MALRD1: variants seen among roughly 807,000 people sequenced by gnomAD.
MALRD1 encodes MAM and LDL-receptor class A domain-containing protein 1.
Under a neutral mutation model 242.1 loss-of-function variants are expected in MALRD1, and 247 were observed. The ratio of observed to expected loss-of-function variants is 1.02; its 90% confidence interval spans 0.92 to 1.13. MALRD1 has a LOEUF of 1.13. Among genes scored for constraint, MALRD1 ranks in the 50% most tolerant of loss-of-function variants. The pLI is 0.00. For synonymous variants in MALRD1, 995 were observed against 866.6 expected (o/e 1.15, Z -2.60); for missense variants, 2,989 against 2,533.1 (o/e 1.18, Z -3.86).
intron 2 of MALRD1, among the ~76,000 whole-genome samples, chr10:19,075,065 G>C (rs1835275542): frequency 6.6e-6 from 1 of 152,000 alleles, no homozygotes; most frequent in Non-Finnish European, 1.5e-5. Context: ...GAACTATGAT[G>C]AACGCTCACT....
At chr10:19,237,800 A>T (rs1409654134) in intron 18 of MALRD1, among the ~76,000 whole-genome samples, 1 of 103,862 alleles carries the variant, frequency 9.6e-6, no homozygotes, top group Non-Finnish European at 1.8e-5. Flanking sequence ...TTTATATATA[A>T]TTATAATTAT....
intron 36 of MALRD1, among the ~76,000 whole-genome samples, chr10:19,669,479 G>A (rs548799818): frequency 6.6e-6 from 1 of 152,264 alleles, no homozygotes; most frequent in South Asian, 2.1e-4. Flanking sequence ...AAGCCTTTCA[G>A]GTTGGAGCAA....
At chr10:19,284,576 T>C (rs994514724) in intron 21 of MALRD1, among the ~76,000 whole-genome samples, 3 of 151,596 alleles carry the variant, frequency 2.0e-5, no homozygotes, top group African/African-American at 4.9e-5. Context: ...ACAAAGGACA[T>C]GAACTCATCA....
At chr10:19,233,370 C>A (rs915670677) in intron 18 of MALRD1, among the ~76,000 whole-genome samples, 8 of 151,970 alleles carry the variant, frequency 5.3e-5, no homozygotes, top group African/African-American at 1.9e-4. Context: ...GGTGTGGTGG[C>A]GAGTGCCTGT....
intron 26 of MALRD1, among the ~76,000 whole-genome samples, chr10:19,355,653 C>A (rs1184535071): frequency 6.6e-6 from 1 of 150,668 alleles, no homozygotes; most frequent in African/African-American, 2.4e-5. Flanking sequence ...AGTTCACTTT[C>A]CTATAAGCTA....
intron 22 of MALRD1, among the ~76,000 whole-genome samples, chr10:19,327,312 T>C (rs1843172678): frequency 6.6e-6 from 1 of 152,108 alleles, no homozygotes; most frequent in Non-Finnish European, 1.5e-5. Flanking sequence ...AATTAAATGG[T>C]GCCCAGATAC....
chr10:19,318,974 TACACAC>T (rs5783665), intron 21 of MALRD1, among the ~76,000 whole-genome samples: 26,059 of 148,936 alleles, frequency 0.17, 2,344 homozygotes, highest in African/African-American at 0.23. Context: ...TACACAGACA[TACACAC>T]ACACACACAC....
intron 38 of MALRD1, among the ~76,000 whole-genome samples, chr10:19,723,374 A>G (rs1034537133): frequency 6.6e-6 from 1 of 152,114 alleles, no homozygotes; most frequent in Non-Finnish European, 1.5e-5. Flanking sequence ...CCAAAATACG[A>G]CAGAAATAAT....
intron 29 of MALRD1, among the ~76,000 whole-genome samples, chr10:19,485,248 A>G (rs11010136): frequency 0.29 from 43,878 of 152,102 alleles, 6,485 homozygotes; most frequent in East Asian, 0.41. Flanking sequence ...CTCTATTTGT[A>G]TTATAGTTGC....
chr10:19,100,031 G>A (rs1317263823), intron 4 of MALRD1, among the ~76,000 whole-genome samples: 1 of 152,074 alleles, frequency 6.6e-6, no homozygotes, highest in African/African-American at 2.4e-5. Context: ...AAAGTATTGG[G>A]ATTATAGGTG....
At chr10:19,385,999 A>G (rs144411838) in intron 26 of MALRD1, among the ~76,000 whole-genome samples, 31 of 152,278 alleles carry the variant, frequency 2.0e-4, no homozygotes, top group African/African-American at 7.0e-4. Flanking sequence ...CTTATTTTCA[A>G]TGGCTTCATA....
chr10:19,677,395 G>A (rs1230966021), intron 36 of MALRD1, among the ~76,000 whole-genome samples: 1 of 152,022 alleles, frequency 6.6e-6, no homozygotes, highest in Non-Finnish European at 1.5e-5. Flanking sequence ...GTTTTGATTT[G>A]CATTTTTCTA....
chr10:19,243,697 G>A lies in MALRD1; in HGVS notation c.2992-13987G>A, dbSNP rs188055783. On this transcript the variant is annotated intron_variant, in intron 18 of 39. Transcript: ENST00000454679. ...AACACTCTTGGGTCTTTACCTCTCA[G>A]CATACACCTGATTATTAACTTAAAG... Among the ~76,000 whole-genome samples, 3 of 152,116 alleles carry A rather than the reference G, an allele frequency of 2.0e-5. No homozygotes were observed. In the East Asian group the frequency reaches 5.8e-4, roughly 29 times the overall value.
intron 2 of MALRD1, among the ~76,000 whole-genome samples, chr10:19,084,978 A>G (rs1835618214): frequency 1.3e-5 from 2 of 152,026 alleles, no homozygotes; most frequent in Admixed American, 1.3e-4. Context: ...TTTAAGTATC[A>G]TGTAAACAAG....
intron 36 of MALRD1, among the ~76,000 whole-genome samples, chr10:19,667,796 CA>C (rs1290181472): frequency 1.3e-5 from 2 of 152,070 alleles, no homozygotes; most frequent in African/African-American, 4.8e-5. Flanking sequence ...ATAAATTACC[CA>C]GGGTATTTCT....
chr10:19,332,142 G>A (rs993882281), intron 24 of MALRD1, among the ~76,000 whole-genome samples: 11 of 151,064 alleles, frequency 7.3e-5, no homozygotes, highest in African/African-American at 2.4e-4. Flanking sequence ...GGGATTGCAG[G>A]CATGAGTTAC....
intron 36 of MALRD1, among the ~76,000 whole-genome samples, chr10:19,619,640 G>T (rs1396994524): frequency 6.6e-6 from 1 of 151,974 alleles, no homozygotes; most frequent in Non-Finnish European, 1.5e-5. Context: ...TAGCACAACA[G>T]ATCAGTTGCT....
At chr10:19,689,977 A>G (rs1335927483) in intron 36 of MALRD1, among the ~76,000 whole-genome samples, 1 of 152,118 alleles carries the variant, frequency 6.6e-6, no homozygotes, top group East Asian at 1.9e-4. Context: ...ACTGAAATCT[A>G]TTAAAATTTA....
At chr10:19,217,811 A>C (rs573376473) in intron 18 of MALRD1, among the ~76,000 whole-genome samples, 1 of 152,082 alleles carries the variant, frequency 6.6e-6, no homozygotes, top group African/African-American at 2.4e-5. Context: ...GGCATGAGCC[A>C]CCGCTCCCAA....
Sources: allele counts gnomAD v4.1 joint callset (sites outside exome capture counted in the v4.1 genomes callset), GRCh38; gene constraint gnomAD v4.1.1; transcripts MANE v1.5; gene names NCBI Gene and HGNC (gene_info 2026-07-23, HGNC 2026-07-21).